Variants in ITGBL1 observed in about 807,000 individuals in gnomAD.
ITGBL1 encodes integrin beta-like protein 1.
A neutral mutation model predicts 68.5 loss-of-function variants in ITGBL1; 51 were observed. The ratio of observed to expected loss-of-function variants is 0.74; its 90% CI spans 0.59 to 0.94. ITGBL1 has a LOEUF of 0.94. ITGBL1 is among the 40% of genes least tolerant of loss of function. ITGBL1 has a pLI of 0.00. For missense variants in ITGBL1, 649 were observed against 647.4 expected (o/e 1.00, Z -0.03); for synonymous variants, 209 against 227.3 (o/e 0.92, Z 0.72).
At chr13:101,690,471 C>T (rs1291790113) in intron 7 of ITGBL1, among the ~76,000 whole-genome samples, 1 of 152,118 alleles carries the variant, frequency 6.6e-6, no homozygotes, top group Non-Finnish European at 1.5e-5. Flanking sequence ...TGCATTGCCC[C>T]TCAGGAATAA....
chr13:101,484,942 C>T (rs1436140373), intron 2 of ITGBL1, among the ~76,000 whole-genome samples: 1 of 151,884 alleles, frequency 6.6e-6, no homozygotes, highest in African/African-American at 2.4e-5. Flanking sequence ...AATTAAATTG[C>T]TCAAAACCGT....
chr13:101,559,464 C>G (rs975065771), intron 2 of ITGBL1, among the ~76,000 whole-genome samples: 3 of 152,106 alleles, frequency 2.0e-5, no homozygotes, highest in African/African-American at 7.2e-5. Context: ...TCGTGAAGTT[C>G]AATAATTTAC....
chr13:101,636,401 C>G (rs949458900), intron 7 of ITGBL1, among the ~76,000 whole-genome samples: 2 of 152,070 alleles, frequency 1.3e-5, no homozygotes, highest in African/African-American at 4.8e-5. Context: ...CTGAACAAAT[C>G]AGAAACTTAT....
chr13:101,525,470 T>TTTTCTTACCTC (rs2049359486), intron 2 of ITGBL1, among the ~76,000 whole-genome samples: 1 of 151,164 alleles, frequency 6.6e-6, no homozygotes, highest in South Asian at 2.1e-4. Context: ...CATCACCTCC[T>TTTTCTTACCTC]TTTCTTGGCC....
chr13:101,492,655 AG>A (rs1362572542), intron 2 of ITGBL1, among the ~76,000 whole-genome samples: 1 of 152,070 alleles, frequency 6.6e-6, no homozygotes, highest in African/African-American at 2.4e-5. Context: ...AATTCCTCAA[AG>A]CTTGAAAGGG....
downstream of ITGBL1, chr13:101,717,066 G>T (rs1287530119): frequency 6.6e-6 from 1 of 151,596 alleles, no homozygotes; most frequent in Non-Finnish European, 1.5e-5. Flanking sequence ...CTAGAATAAT[G>T]TAGCAAAATC....
At chr13:101,711,563 G>A (rs140463314) in intron 9 of ITGBL1, 6 of 152,352 alleles carry the variant, frequency 3.9e-5, no homozygotes, top group African/African-American at 1.2e-4. Context: ...ATCACAGATA[G>A]GCAGATCACT....
intron 2 of ITGBL1, among the ~76,000 whole-genome samples, chr13:101,505,478 G>GCTAA (rs1456219946): frequency 1.3e-5 from 2 of 152,148 alleles, no homozygotes; most frequent in African/African-American, 2.4e-5. Context: ...ACAGGTTGTG[G>GCTAA]CTAACTCCGC....
chr13:101,533,220 A>G (rs965330980), intron 2 of ITGBL1, among the ~76,000 whole-genome samples: 4 of 152,222 alleles, frequency 2.6e-5, no homozygotes, highest in Admixed American at 2.6e-4. Context: ...CCATTCTAAA[A>G]GGACACTGAC....
At chr13:101,542,527 A>G (rs562971166) in intron 2 of ITGBL1, among the ~76,000 whole-genome samples, 1 of 152,286 alleles carries the variant, frequency 6.6e-6, no homozygotes, top group East Asian at 1.9e-4. Context: ...AATAATGTAT[A>G]TTCTGTTGAT....
At chr13:101,481,807 A>G (rs1463916358) in intron 2 of ITGBL1, among the ~76,000 whole-genome samples, 1 of 152,106 alleles carries the variant, frequency 6.6e-6, no homozygotes, top group Non-Finnish European at 1.5e-5. Context: ...TTTTTAGTTG[A>G]GATTAATGTT....
intron 2 of ITGBL1, among the ~76,000 whole-genome samples, chr13:101,489,098 G>A (rs1431433998): frequency 6.6e-6 from 1 of 152,160 alleles, no homozygotes; most frequent in African/African-American, 2.4e-5. Context: ...ATATTTTTAA[G>A]TATAGAAACT....
chr13:101,537,488 C>T (rs1383333009), intron 2 of ITGBL1, among the ~76,000 whole-genome samples: 2 of 151,958 alleles, frequency 1.3e-5, no homozygotes, highest in Admixed American at 1.3e-4. Context: ...TGCTGTTGCT[C>T]ACTGTGGCCT....
intron 3 of ITGBL1, among the ~76,000 whole-genome samples, chr13:101,569,804 G>A (rs2050244271): frequency 6.6e-6 from 1 of 152,144 alleles, no homozygotes; most frequent in African/African-American, 2.4e-5. Context: ...TCATCTGGAA[G>A]CACATGATGT....
At chr13:101,709,923 T>C (rs947913867) in intron 9 of ITGBL1, among the ~76,000 whole-genome samples, 4 of 152,218 alleles carry the variant, frequency 2.6e-5, no homozygotes, top group African/African-American at 9.6e-5. Context: ...AAAATAAATA[T>C]GCTTATGAAA....
At chr13:101,474,184 C>T (rs1566690489) in intron 2 of ITGBL1, among the ~76,000 whole-genome samples, 2 of 152,128 alleles carry the variant, frequency 1.3e-5, no homozygotes, top group African/African-American at 4.8e-5. Context: ...TCCTGGATGG[C>T]ATTTCTGGAC....
chr13:101,481,894 G>T (rs1021031077), intron 2 of ITGBL1, among the ~76,000 whole-genome samples: 2 of 151,946 alleles, frequency 1.3e-5, no homozygotes, highest in Non-Finnish European at 2.9e-5. Context: ...GGTGATTAGC[G>T]TATCCATCAC....
In ITGBL1 at chr13:101,611,312, C is replaced by G. The variant is rs190926136; in HGVS notation, c.1015+13013C>G. ...TTATTTAACTGAATTTAGCGAGATT[C>G]AAGTTTTTCCATGAACAAGACAAAT... On this transcript the variant is annotated intron_variant, in intron 7 of 10. Transcript: ENST00000376180. 3.3e-3 allele frequency among the ~76,000 whole-genome samples: 504 copies of G among 152,292 alleles called. 1 individual carries two copies. The highest frequency in any genetic ancestry group is 0.014 in the Middle Eastern group (4 of 294).
At chr13:101,538,220 G>A (rs2049613447) in intron 2 of ITGBL1, among the ~76,000 whole-genome samples, 1 of 151,964 alleles carries the variant, frequency 6.6e-6, no homozygotes, top group Non-Finnish European at 1.5e-5. Flanking sequence ...TTCTACTTTT[G>A]CTATTTATCA....
Sources: gnomAD v4.1 joint callset for allele counts (sites outside exome capture counted in the v4.1 genomes callset) on GRCh38, gnomAD v4.1.1 for gene constraint, MANE v1.5 for transcripts, NCBI Gene and HGNC (gene_info 2026-07-23, HGNC 2026-07-21) for gene names.